Variants in MIA2 observed in about 807,000 individuals in gnomAD.
MIA2 encodes the protein MIA SH3 domain ER export factor 2.
MIA2 carries 127 observed loss-of-function variants against 167.8 expected under a neutral mutation model. The observed-to-expected ratio is 0.76, with a 90% CI of 0.66 to 0.88. The LOEUF is 0.88. Ranked by LOEUF, MIA2 falls within the 40% of genes least tolerant of loss-of-function variation. The pLI is 0.00. For missense variants in MIA2, 1,690 were observed against 1,624.7 expected (o/e 1.04, Z -0.69); for synonymous variants, 552 against 541.9 (o/e 1.02, Z -0.26).
intron 6 of MIA2, among the ~76,000 whole-genome samples, chr14:39,254,802 C>T (rs528053160): frequency 7.4e-4 from 113 of 152,306 alleles, no homozygotes; most frequent in African/African-American, 2.5e-3. Context: ...GGATTTGGCC[C>T]ACTAACCACA....
chr14:39,271,443 C>T (rs934580558), intron 6 of MIA2, among the ~76,000 whole-genome samples: 2 of 151,968 alleles, frequency 1.3e-5, no homozygotes, highest in Admixed American at 1.3e-4. Flanking sequence ...TTTTGTTTAT[C>T]CACGTTCTTT....
At chr14:39,273,498 A>G (rs562207800) in intron 6 of MIA2, among the ~76,000 whole-genome samples, 2 of 152,160 alleles carry the variant, frequency 1.3e-5, no homozygotes, top group South Asian at 2.1e-4. Flanking sequence ...GACCACAGGC[A>G]TGTGCCATCA....
At chr14:39,334,660 G>A (rs749617362) in intron 25 of MIA2, among the ~76,000 whole-genome samples, 6 of 151,492 alleles carry the variant, frequency 4.0e-5, no homozygotes, top group Admixed American at 6.6e-5. Flanking sequence ...TCTGCCTCCC[G>A]GGTTCAAGCG....
intron 23 of MIA2, among the ~76,000 whole-genome samples, chr14:39,368,414 C>T (rs1449650657): frequency 6.6e-6 from 1 of 152,168 alleles, no homozygotes; most frequent in African/African-American, 2.4e-5. Flanking sequence ...GGTTCCCCTG[C>T]TGTGTTCTGT....
chr14:39,304,107 G>A (rs912864574), intron 16 of MIA2, among the ~76,000 whole-genome samples, 184 bp from the exon 17 acceptor site: 4 of 152,076 alleles, frequency 2.6e-5, no homozygotes, highest in African/African-American at 7.2e-5. Context: ...AAGCATTGAC[G>A]ACTTTGCTGG....
At chr14:39,370,930 A>C (rs2074929157) in intron 23 of MIA2, among the ~76,000 whole-genome samples, 1 of 152,252 alleles carries the variant, frequency 6.6e-6, no homozygotes, top group Admixed American at 6.5e-5. Context: ...CAAGGCCATC[A>C]CCAAAGCAGA....
At chr14:39,317,243 T>G (rs1163708916) in intron 21 of MIA2, among the ~76,000 whole-genome samples, 1 of 152,024 alleles carries the variant, frequency 6.6e-6, no homozygotes, top group African/African-American at 2.4e-5. Context: ...TTAGCTGAAT[T>G]GGGATTGGTA....
rs75632135 is a variant in MIA2 at position 39,368,953 on chromosome 14, T to C, written c.2249-17932T>C. Among the ~76,000 whole-genome samples, 25 of 152,346 alleles carry C rather than the reference T, an allele frequency of 1.6e-4. No homozygotes were observed. The East Asian group carries it at 4.8e-3, about 29-fold the overall frequency. ...TAAAAGTTGTCTTCTAAATTATCTG[T>C]TTCCTCTGGAGTTAATAATTAAATT... On this transcript the variant is annotated intron_variant, in intron 23 of 23. Coordinates refer to the MIA2 transcript ENST00000341502.
At chr14:39,332,199 A>T (rs570022723) in intron 25 of MIA2, among the ~76,000 whole-genome samples, 57 of 152,076 alleles carry the variant, frequency 3.7e-4, no homozygotes, top group African/African-American at 1.3e-3. Flanking sequence ...TTAGTGTTCA[A>T]TCTCTGATAT....
chr14:39,300,895 G>C (rs1223520772), intron 14 of MIA2, among the ~76,000 whole-genome samples: 2 of 151,354 alleles, frequency 1.3e-5, no homozygotes, highest in African/African-American at 4.9e-5. Flanking sequence ...CCAGCTTTCT[G>C]AGTTTTATTC....
rs2066365366 is a variant in MIA2 at position 39,321,208 on chromosome 14, T to C, written c.3496+152T>C. On this transcript the variant is annotated intron_variant, in intron 24 of 28. Transcript: ENST00000640607. The stretch of plus-strand genomic sequence containing the variant: ...TAACTTTTATTTGGAAAAGGAGCTC[T>C]ATGACATCTAATTTTGATGTATTTT... 3.3e-5 allele frequency: 23 copies of C among 691,646 alleles called. 1 individual carries two copies. The South Asian group carries it at 4.8e-4, about 14-fold the overall frequency. 42.8% of individuals were successfully genotyped at this position (691,646 alleles called of 1,614,324 possible).
intron 25 of MIA2, among the ~76,000 whole-genome samples, chr14:39,339,330 C>G (rs1351898796): frequency 1.3e-5 from 2 of 152,018 alleles, no homozygotes; most frequent in African/African-American, 2.4e-5. Context: ...TATTTATTTC[C>G]CTGTCTTATG....
intron 23 of MIA2, among the ~76,000 whole-genome samples, chr14:39,379,676 ACCC>A (rs1030930890): frequency 6.6e-6 from 1 of 152,022 alleles, no homozygotes; most frequent in African/African-American, 2.4e-5. Flanking sequence ...ACATGGCAAA[ACCC>A]CACCCCTACT....
At chr14:39,372,233 GA>G (rs1185981641) in intron 23 of MIA2, among the ~76,000 whole-genome samples, 2 of 152,040 alleles carry the variant, frequency 1.3e-5, no homozygotes, top group Non-Finnish European at 2.9e-5. Context: ...TCTTTTCCTA[GA>G]AAGCCAAGTG....
intron 20 of MIA2, 91 bp from the exon 21 acceptor site, chr14:39,315,592 G>C: frequency 2.1e-6 from 2 of 934,264 alleles, no homozygotes; most frequent in East Asian, 5.1e-5. Context: ...GGATAGTTTT[G>C]AGTTGTGCAC....
At chr14:39,290,945 T>A in intron 9 of MIA2, 74 bp from the exon 10 acceptor site, 1 of 1,298,488 alleles carries the variant, frequency 7.7e-7, no homozygotes, top group Non-Finnish European at 1.1e-6. Context: ...TCTGTCTGCT[T>A]CTTAGGCATC....
chr14:39,313,496 A>T (rs1334809744), intron 19 of MIA2, 55 bp downstream of exon 19: 4 of 944,800 alleles, frequency 4.2e-6, no homozygotes, highest in Non-Finnish European at 6.4e-6. Flanking sequence ...TATCTAAAAA[A>T]CTTAATGCCA....
At chr14:39,340,068 C>A (rs1406130876) in intron 25 of MIA2, among the ~76,000 whole-genome samples, 4 of 152,164 alleles carry the variant, frequency 2.6e-5, no homozygotes, top group African/African-American at 9.7e-5. Context: ...GTTTCGAAAT[C>A]CTTGGCTCAA....
intron 12 of MIA2, 51 bp from the exon 13 acceptor site, chr14:39,294,874 G>A (rs901694156): frequency 2.5e-6 from 3 of 1,188,302 alleles, no homozygotes; most frequent in South Asian, 1.2e-5. Flanking sequence ...GTAAAGATGA[G>A]CTATGTATTA....
Sources: gnomAD v4.1 joint callset for allele counts (sites outside exome capture counted in the v4.1 genomes callset) on GRCh38, gnomAD v4.1.1 for gene constraint, MANE v1.5 for transcripts, NCBI Gene and HGNC (gene_info 2026-07-23, HGNC 2026-07-21) for gene names.